Variants in PKHD1 observed in about 807,000 individuals in gnomAD.
PKHD1 encodes PKHD1 ciliary IPT domain containing fibrocystin/polyductin.
PKHD1 carries 291 observed loss-of-function variants against 412.0 expected under a neutral mutation model. The observed-to-expected ratio is 0.71, with a 90% CI of 0.64 to 0.78. The LOEUF (loss-of-function observed/expected upper bound fraction) is 0.78. Among genes scored for constraint, PKHD1 ranks in the 30% least tolerant of loss-of-function variants. The pLI is 0.00. For synonymous variants in PKHD1, 1,777 were observed against 1,821.5 expected, an observed-to-expected ratio of 0.98 and a Z score of 0.62; for missense variants, 4,825 against 4,950.7, an observed-to-expected ratio of 0.97 and a Z score of 0.76.
At chr6:51,654,107 G>C (rs1771418224) in intron 61 of PKHD1, among the ~76,000 whole-genome samples, 1 of 152,152 alleles carries the variant, frequency 6.6e-6, no homozygotes, top group Non-Finnish European at 1.5e-5. Flanking sequence ...ACCTTTCACT[G>C]TATGTGATAT....
At chr6:52,024,415 A>C (rs1168595122) in intron 32 of PKHD1, among the ~76,000 whole-genome samples, 159 bp downstream of exon 32, 2 of 152,258 alleles carry the variant, frequency 1.3e-5, no homozygotes, top group African/African-American at 4.8e-5. Flanking sequence ...AGAGCATAAC[A>C]AAGACAAGCC....
At chr6:51,974,917 T>C (rs1794170746) in intron 35 of PKHD1, among the ~76,000 whole-genome samples, 1 of 152,004 alleles carries the variant, frequency 6.6e-6, no homozygotes, top group Admixed American at 6.6e-5. Flanking sequence ...AGAAAGACCA[T>C]GTGAAGACAC....
intron 60 of PKHD1, among the ~76,000 whole-genome samples, chr6:51,728,544 G>A (rs181424408): frequency 1.4e-4 from 22 of 152,190 alleles, no homozygotes; most frequent in Admixed American, 7.2e-4. Context: ...CTCTTTGGCC[G>A]GTTACACGAC....
intron 63 of PKHD1, among the ~76,000 whole-genome samples, chr6:51,641,333 G>A (rs537474242): frequency 1.2e-4 from 18 of 152,216 alleles, no homozygotes; most frequent in Admixed American, 6.5e-4. Context: ...CTTGGTGTCC[G>A]TAGAATAAAA....
chr6:51,847,647 C>A, intron 50 of PKHD1, 128 bp downstream of exon 50: 1 of 764,698 alleles, frequency 1.3e-6, no homozygotes, highest in Admixed American at 2.0e-5. Context: ...GGAACATTCA[C>A]TCAACCATAA....
chr6:52,010,804 G>A lies in PKHD1; in HGVS notation c.5601-345C>T, dbSNP rs139006053. 2.4e-3 allele frequency among the ~76,000 whole-genome samples: 362 copies of A among 152,252 alleles called. 1 individual carries two copies. Among genetic ancestry groups the A allele is most frequent in the Non-Finnish European group, 3.9e-3 (266 of 68,032 alleles). On this transcript the variant is annotated intron_variant, in intron 34 of 66. Coordinates refer to ENST00000371117, the MANE Select transcript of PKHD1 (RefSeq NM_138694.4). The stretch of plus-strand genomic sequence containing the variant: ...TTCCAAAAAGGGTAACAAACGTCTG[G>A]GAGAGTTTTTGTTTTTATTTTTTTT...
intron 66 of PKHD1, chr6:51,622,463 A>T (rs1244908870): frequency 6.6e-6 from 1 of 152,206 alleles, no homozygotes; most frequent in African/African-American, 2.4e-5. Context: ...AAACAGATCA[A>T]CCAACAACAA....
Position 51,619,452 on chromosome 6 carries a change from T to C in PKHD1, c.11854A>G (p.Arg3952Gly), listed in dbSNP as rs2150241677. 1 of 1,614,098 alleles carries C rather than the reference T, an allele frequency of 6.2e-7. No homozygotes were observed. Among genetic ancestry groups the C allele is most frequent in the East Asian group, 2.2e-5 (1 of 44,882 alleles). ...CPHQLMNGVS[R>G]RKVSRHIVRE... is the part of the protein sequence containing the mutation. ...ACAATGTGGCGGCTAACTTTCCTTC[T>C]GGACACTCCATTCATCAACTGGTGG... is the stretch of plus-strand genomic sequence containing the variant. The change falls in exon 67 of 67, where the codon AGA becomes GGA. Residue 3952 changes from arginine to glycine, a missense_variant. By Grantham distance (125) the Arg-to-Gly change is moderately radical (BLOSUM62 -2). Coordinates refer to ENST00000371117, the MANE Select transcript of PKHD1 (RefSeq NM_138694.4).
chr6:51,902,315 A>G (rs1781420336), intron 43 of PKHD1, among the ~76,000 whole-genome samples: 1 of 152,180 alleles, frequency 6.6e-6, no homozygotes, highest in South Asian at 2.1e-4. Context: ...CAACAAAAAA[A>G]TCCTAATTAT....
chr6:52,024,557 T>G lies in PKHD1; in HGVS notation c.5236+17A>C. On this transcript the variant is annotated intron_variant, in intron 32 of 66. Coordinates refer to ENST00000371117, the MANE Select transcript of PKHD1 (RefSeq NM_138694.4). ...ATTTACATAAAGAAAGTGTGCTGTCTTATTTGCTTGACTTACCGAAGTTCT... is the reference window on the plus strand; with the variant it reads ...ATTTACATAAAGAAAGTGTGCTGTCGTATTTGCTTGACTTACCGAAGTTCT... The G allele has an allele frequency of 6.2e-7, 1 of 1,611,596 alleles. No homozygotes were observed. The highest frequency in any genetic ancestry group is 8.5e-7 in the Non-Finnish European group (1 of 1,177,986).
At chr6:51,678,641 CAT>C (rs1259559299) in intron 60 of PKHD1, among the ~76,000 whole-genome samples, 5 of 152,102 alleles carry the variant, frequency 3.3e-5, no homozygotes, top group African/African-American at 1.2e-4. Flanking sequence ...TGCCTGTGCA[CAT>C]GTGTCTATGA....
In PKHD1 at chr6:52,054,027, C is replaced by T. The variant is rs755432971; in HGVS notation, c.1964+11G>A. On this transcript the variant is annotated intron_variant, in intron 20 of 66. Coordinates refer to ENST00000371117, the MANE Select transcript of PKHD1 (RefSeq NM_138694.4). The stretch of plus-strand genomic sequence containing the variant: ...CTGAATTCCCACCACGCCTCCCCAC[C>T]GATTAGCTACCTCTCGGGGCTGGTC... The T allele has an allele frequency of 4.3e-6, 7 of 1,613,688 alleles. No individual in the cohort carries two copies. The highest frequency in any genetic ancestry group is 2.2e-5 in the East Asian group (1 of 44,870).
At chr6:51,836,711 G>A (rs1461466916) in intron 50 of PKHD1, among the ~76,000 whole-genome samples, 1 of 152,096 alleles carries the variant, frequency 6.6e-6, no homozygotes, top group Admixed American at 6.5e-5. Context: ...AAATAATTAG[G>A]AGAAACAAAA....
intron 66 of PKHD1, among the ~76,000 whole-genome samples, chr6:51,620,297 C>A (rs1217146407): frequency 1.3e-5 from 2 of 152,134 alleles, no homozygotes; most frequent in African/African-American, 4.8e-5. Context: ...ACCTAAACAT[C>A]AACTCAGAAG....
chr6:51,889,324 C>G (rs1263869389), intron 43 of PKHD1, among the ~76,000 whole-genome samples: 2 of 152,152 alleles, frequency 1.3e-5, no homozygotes, highest in African/African-American at 2.4e-5. Context: ...AAATGCCTTT[C>G]TTTAAAAAAC....
intron 53 of PKHD1, among the ~76,000 whole-genome samples, chr6:51,789,564 T>C (rs549379719): frequency 4.4e-5 from 6 of 136,622 alleles, no homozygotes; most frequent in South Asian, 5.4e-4. Context: ...CATGTGTGCA[T>C]GTGTATGTAT....
chr6:51,813,746 G>A (rs1765038519), intron 52 of PKHD1, among the ~76,000 whole-genome samples: 1 of 152,150 alleles, frequency 6.6e-6, no homozygotes, highest in Non-Finnish European at 1.5e-5. Flanking sequence ...AAAGATATCG[G>A]AATAGTAGAG....
chr6:51,650,072 G>GT (rs1396502976), intron 61 of PKHD1, among the ~76,000 whole-genome samples: 2 of 152,142 alleles, frequency 1.3e-5, no homozygotes, highest in Non-Finnish European at 2.9e-5. Flanking sequence ...CCTACAAATA[G>GT]TAAGTGTTGA....
At chr6:51,753,964 T>C (rs953642767) in intron 56 of PKHD1, among the ~76,000 whole-genome samples, 2 of 152,198 alleles carry the variant, frequency 1.3e-5, no homozygotes. Context: ...AAATCATTGC[T>C]GAAGATTTCT....
Sources: gnomAD v4.1 joint callset for allele counts (sites outside exome capture counted in the v4.1 genomes callset) on GRCh38, gnomAD v4.1.1 for gene constraint, MANE v1.5 for transcripts, NCBI Gene and HGNC (gene_info 2026-07-23, HGNC 2026-07-21) for gene names.